The following ABCA13 variants were observed in gnomAD, a reference collection of about 807,000 sequenced individuals.
ABCA13 encodes the protein ATP binding cassette subfamily A member 13.
In ABCA13, 476 loss-of-function variants were observed where a neutral mutation model predicts 478.7. The observed-to-expected ratio is 0.99, with a 90% confidence interval of 0.92 to 1.07. ABCA13 has a LOEUF of 1.07. Ranked by LOEUF, ABCA13 falls within the 50% of genes least tolerant of loss-of-function variation. The pLI, the probability that ABCA13 is intolerant of heterozygous loss-of-function variation, is 0.00. For synonymous variants in ABCA13, 2,252 were observed against 2,158.9 expected (o/e 1.04, Z -1.20); for missense variants, 6,060 against 5,910.6 (o/e 1.03, Z -0.83).
chr7:48,626,983 A>C, intron 59 of ABCA13: 1 of 985,386 alleles, frequency 1.0e-6, no homozygotes, highest in Non-Finnish European at 1.2e-6. Context: ...AAGTAGCTGA[A>C]CTCATCACAA....
intron 1 of ABCA13, among the ~76,000 whole-genome samples, chr7:48,187,035 A>G: frequency 6.7e-6 from 1 of 149,478 alleles, no homozygotes; most frequent in East Asian, 1.9e-4. Flanking sequence ...ATATATATAT[A>G]TCAGTGTATA....
intron 10 of ABCA13, among the ~76,000 whole-genome samples, chr7:48,242,666 T>TG (rs571244701): frequency 3.0e-4 from 46 of 152,312 alleles, no homozygotes; most frequent in African/African-American, 1.1e-3. Context: ...CTTGAACTCC[T>TG]GGCATCAAGT....
intron 59 of ABCA13, among the ~76,000 whole-genome samples, chr7:48,625,343 C>T (rs183233135): frequency 6.7e-4 from 102 of 152,274 alleles, no homozygotes; most frequent in African/African-American, 2.4e-3. Context: ...GTCACTTTCA[C>T]AAATGGGGAA....
chr7:48,393,131 A>G (rs1368907393), intron 38 of ABCA13, among the ~76,000 whole-genome samples: 4 of 152,232 alleles, frequency 2.6e-5, no homozygotes, highest in Non-Finnish European at 4.4e-5. Context: ...TCCTGATTAG[A>G]GAACAAAGTG....
rs1391999718 is a variant in ABCA13, at chr7:48,507,879, A to C, written c.13354A>C (p.Ser4452Arg). 4 of 1,606,856 alleles carry C rather than the reference A, an allele frequency of 2.5e-6. No individual in the cohort carries two copies. Among genetic ancestry groups the C allele is most frequent in the African/African-American group, 1.3e-5 (1 of 74,814 alleles). ...GCTCTGTTCCACCCGCAGCCTGGAG[A>C]GCATCCGTCAGTGTGGAGTGGCCCT... is the stretch of plus-strand genomic sequence containing the variant. ...ALLNEDKILE[S>R]IRQCGVALCI... The change falls in exon 50 of 62, where the codon AGC becomes CGC. Residue 4452 changes from serine (S) to arginine (R), a missense_variant. This residue lies in a region of ABCA13 where 1,627 missense variants were observed against 1,571.0 expected (regional missense o/e 1.04). Transcript: ENST00000435803.
intron 40 of ABCA13, among the ~76,000 whole-genome samples, chr7:48,411,964 G>A (rs570845735): frequency 1.8e-4 from 27 of 152,032 alleles, no homozygotes; most frequent in Non-Finnish European, 3.5e-4. Flanking sequence ...GAGAATTCTT[G>A]TCTCCCTTTT....
intron 10 of ABCA13, among the ~76,000 whole-genome samples, chr7:48,243,822 CT>C (rs1410179170): frequency 6.6e-6 from 1 of 152,218 alleles, no homozygotes; most frequent in Non-Finnish European, 1.5e-5. Context: ...AGCTACATCT[CT>C]TTCTGCTTTT....
At chr7:48,217,122 A>T (rs1786602428) in intron 3 of ABCA13, among the ~76,000 whole-genome samples, 1 of 152,250 alleles carries the variant, frequency 6.6e-6, no homozygotes. Context: ...TCATTATATT[A>T]AAAAGATACC....
intron 43 of ABCA13, among the ~76,000 whole-genome samples, chr7:48,465,721 T>G (rs1404861391): frequency 2.0e-5 from 3 of 152,128 alleles, no homozygotes; most frequent in Non-Finnish European, 4.4e-5. Flanking sequence ...CTAGCTGTTT[T>G]GAAAATAGGA....
chr7:48,614,320 G>C (rs937921952), intron 58 of ABCA13, among the ~76,000 whole-genome samples: 2 of 151,170 alleles, frequency 1.3e-5, no homozygotes, highest in African/African-American at 2.4e-5. Flanking sequence ...TTTATAGCTG[G>C]TCTTCCTGGT....
chr7:48,530,206 A>G (rs543261253), intron 55 of ABCA13, among the ~76,000 whole-genome samples: 3 of 152,072 alleles, frequency 2.0e-5, no homozygotes, highest in Admixed American at 2.0e-4. Context: ...TTCATTCCTG[A>G]GTTACTTCAC....
At chr7:48,203,444 G>T (rs1388996105) in intron 3 of ABCA13, among the ~76,000 whole-genome samples, 1 of 152,250 alleles carries the variant, frequency 6.6e-6, no homozygotes, top group Non-Finnish European at 1.5e-5. Flanking sequence ...GAGCAAGCGA[G>T]GGCTGTGAGG....
Position 48,313,247 on chromosome 7 carries a change from T to C in ABCA13, c.9681+16T>C, listed in dbSNP as rs761266567. ...CTTTCAACAGGTGTGTGTTTCATCT[T>C]TGTCCCTAGGGAAATATTCAAATTT... On this transcript the variant is annotated intron_variant, in intron 25 of 61. Coordinates refer to ENST00000435803, the MANE Select transcript of ABCA13 (RefSeq NM_152701.5). 2 of 1,597,358 alleles carry C rather than the reference T, an allele frequency of 1.3e-6. No homozygotes were observed. Among genetic ancestry groups the C allele is most frequent in the Admixed American group, 3.5e-5 (2 of 57,260 alleles).
intron 2 of ABCA13, among the ~76,000 whole-genome samples, chr7:48,193,936 A>C (rs978417261): frequency 7.2e-5 from 3 of 41,828 alleles, no homozygotes; most frequent in Admixed American, 2.4e-4. Context: ...AATAATGTAG[A>C]TAATAGTAAT....
chr7:48,595,645 T>C (rs1419669763), intron 58 of ABCA13, among the ~76,000 whole-genome samples: 1 of 152,164 alleles, frequency 6.6e-6, no homozygotes, highest in Non-Finnish European at 1.5e-5. Context: ...GGTTTCTCAT[T>C]GGTTCCCTAA....
At chr7:48,583,572 T>C (rs1484785325) in intron 56 of ABCA13, among the ~76,000 whole-genome samples, 3 of 152,134 alleles carry the variant, frequency 2.0e-5, no homozygotes, top group Admixed American at 6.5e-5. Flanking sequence ...CCAGTGCATA[T>C]CCCATTGAGA....
At chr7:48,509,000 A>G (rs1366067945) in intron 50 of ABCA13, among the ~76,000 whole-genome samples, 1 of 152,198 alleles carries the variant, frequency 6.6e-6, no homozygotes, top group Admixed American at 6.5e-5. Flanking sequence ...ATTTAATTTA[A>G]TCAGAGGTTT....
intron 42 of ABCA13, 43 bp downstream of exon 42, chr7:48,427,914 T>C: frequency 2.2e-6 from 3 of 1,335,206 alleles, no homozygotes; most frequent in Non-Finnish European, 3.1e-6. Context: ...GGAGGAACAA[T>C]GACACCAGCC....
intron 57 of ABCA13, among the ~76,000 whole-genome samples, chr7:48,594,217 G>T (rs1039105915): frequency 1.3e-5 from 2 of 151,968 alleles, no homozygotes; most frequent in Non-Finnish European, 2.9e-5. Flanking sequence ...TGGATAATGT[G>T]CCATAAACCC....
Sources: allele counts gnomAD v4.1 joint callset (sites outside exome capture counted in the v4.1 genomes callset), GRCh38; gene constraint gnomAD v4.1.1; regional missense constraint gnomAD v4.1.1; transcripts MANE v1.5; gene names NCBI Gene and HGNC (gene_info 2026-07-23, HGNC 2026-07-21).